The following YTHDF3 variants were observed in gnomAD, a reference collection of about 807,000 sequenced individuals.
YTHDF3 encodes YTH N6-methyladenosine RNA binding protein F3.
A neutral mutation model predicts 52.5 loss-of-function variants in YTHDF3; 9 were observed. The observed-to-expected ratio is 0.17, with a 90% CI of 0.10 to 0.30. YTHDF3 has a LOEUF of 0.30. Among genes scored for constraint, YTHDF3 ranks in the 10% least tolerant of loss-of-function variants. The pLI is 1.00. For synonymous variants in YTHDF3, 274 were observed against 243.3 expected (o/e 1.13, Z -1.18); for missense variants, 534 against 715.0 (o/e 0.75, Z 2.89).
chr8:63,208,151 C>T (rs997732223), intron 4 of YTHDF3, among the ~76,000 whole-genome samples: 1 of 151,974 alleles, frequency 6.6e-6, no homozygotes, highest in African/African-American at 2.4e-5. Context: ...CACCGATACT[C>T]GTTAGTCTAT....
intron 4 of YTHDF3, among the ~76,000 whole-genome samples, chr8:63,197,202 C>G (rs1809296049): frequency 6.6e-6 from 1 of 152,206 alleles, no homozygotes; most frequent in Non-Finnish European, 1.5e-5. Flanking sequence ...TCCCTAGCAC[C>G]TAGAAAAATG....
At chr8:63,205,428 TTTTC>T (rs1423907368) in intron 4 of YTHDF3, among the ~76,000 whole-genome samples, 4 of 151,700 alleles carry the variant, frequency 2.6e-5, no homozygotes, top group Admixed American at 6.6e-5. Flanking sequence ...ATTTCTTTCT[TTTTC>T]TTTCTTTTTT....
At chr8:63,179,237 TA>T (rs980650966) in intron 3 of YTHDF3, among the ~76,000 whole-genome samples, 2 of 151,890 alleles carry the variant, frequency 1.3e-5, no homozygotes, top group Admixed American at 6.6e-5. Flanking sequence ...TTTTTTTTTT[TA>T]TTGATCATTC....
chr8:63,173,536 A>T, intron 2 of YTHDF3: 1 of 395,598 alleles, frequency 2.5e-6, no homozygotes, highest in Non-Finnish European at 3.4e-6. Context: ...AGAGATAGTT[A>T]GTCATAATTT....
At chr8:63,203,124 C>T (rs73256845) in intron 4 of YTHDF3, among the ~76,000 whole-genome samples, 213 of 152,014 alleles carry the variant, frequency 1.4e-3, no homozygotes, top group African/African-American at 4.8e-3. Flanking sequence ...CGCCTGTGAT[C>T]CCAGCTACTC....
rs1198816910 is a variant in YTHDF3 at position 63,209,821 on chromosome 8, A to G, written c.*115A>G. ...TTTCTGCTTAAGGTGACATCTTTGA[A>G]CACTTTAACACAAAGTTGACTCTTC... On this transcript the variant is annotated 3_prime_UTR_variant, in exon 5 of 5. Transcript: ENST00000539294. 2 of 1,016,418 alleles carry G rather than the reference A, an allele frequency of 2.0e-6. No individual in the cohort carries two copies. Among genetic ancestry groups the G allele is most frequent in the Non-Finnish European group, 1.4e-6 (1 of 710,768 alleles). 63.0% of individuals were successfully genotyped at this position (1,016,418 alleles called of 1,614,324 possible).
In YTHDF3 at chr8:63,186,922, C is replaced by G. The variant is rs1047701169; in HGVS notation, c.911C>G (p.Pro304Arg). The G allele has an allele frequency of 6.2e-7, 1 of 1,613,884 alleles. No individual in the cohort carries two copies. ...VLPPQTIIQQPQPLIQPPPLV... is the reference protein window; with the variant it reads ...VLPPQTIIQQRQPLIQPPPLV... The stretch of plus-strand genomic sequence containing the variant: ...CCTCCTCAAACTATAATCCAGCAGC[C>G]TCAGCCATTAATTCAACCACCACCA... The change falls in exon 4 of 5, where the codon CCT (proline) becomes CGT (arginine). Residue 304 changes from proline (P) to arginine (R), a missense_variant. Transcript: ENST00000539294.
chr8:63,172,869 A>T, intron 2 of YTHDF3: 3 of 1,157,032 alleles, frequency 2.6e-6, no homozygotes, highest in South Asian at 4.4e-5. Context: ...TTTCATTTCT[A>T]TTTAATGGTT....
chr8:63,189,420 G>A (rs921330159), intron 4 of YTHDF3, among the ~76,000 whole-genome samples: 1 of 152,204 alleles, frequency 6.6e-6, no homozygotes, highest in African/African-American at 2.4e-5. Flanking sequence ...TTGAAACTTA[G>A]TAGGGGTAAA....
intron 4 of YTHDF3, among the ~76,000 whole-genome samples, chr8:63,193,239 A>G (rs1809024210): frequency 6.6e-6 from 1 of 151,938 alleles, no homozygotes; most frequent in Non-Finnish European, 1.5e-5. Flanking sequence ...TTAGCCAGGC[A>G]TGGTGGTGCA....
At chr8:63,172,189 T>C (rs371448605) in intron 2 of YTHDF3, among the ~76,000 whole-genome samples, 3 of 152,342 alleles carry the variant, frequency 2.0e-5, no homozygotes, top group East Asian at 3.9e-4. Context: ...GTTCATAATT[T>C]AACACTTCGT....
chr8:63,179,963 C>T lies in YTHDF3; in HGVS notation c.135+4547C>T, dbSNP rs529365584. Among the ~76,000 whole-genome samples, 604 of 149,008 alleles carry T rather than the reference C, an allele frequency of 4.1e-3. 5 individuals carry two copies. Among genetic ancestry groups the T allele is most frequent in the African/African-American group, 0.014 (580 of 40,422 alleles). On this transcript the variant is annotated intron_variant, in intron 3 of 4. Transcript: ENST00000539294. ...TCACCTCCCGGACGGGGCGGCTGGC[C>T]GGGCGGGGGGCTGATCCCCCCACCT...
intron 4 of YTHDF3, among the ~76,000 whole-genome samples, chr8:63,200,777 A>T (rs754236956): frequency 1.4e-4 from 22 of 152,210 alleles, no homozygotes; most frequent in Non-Finnish European, 2.6e-4. Context: ...TCTAGCAAAT[A>T]CAATTTTGAT....
intron 4 of YTHDF3, among the ~76,000 whole-genome samples, chr8:63,188,294 G>A (rs1001245287): frequency 3.3e-5 from 5 of 151,704 alleles, no homozygotes; most frequent in Admixed American, 1.3e-4. Context: ...ACTGAACCTG[G>A]CACTTAAAAC....
rs74525615 is a variant in YTHDF3, at chr8:63,188,560, A to T, written c.1734+815A>T. On this transcript the variant is annotated intron_variant, in intron 4 of 4. Transcript: ENST00000539294. ...CGGGCTGGTCTCCTGAGCTCAAAGGATCTGCCCCTACCCCTCTGCCTCCCA... is the reference window on the plus strand; with the variant it reads ...CGGGCTGGTCTCCTGAGCTCAAAGGTTCTGCCCCTACCCCTCTGCCTCCCA... Among the ~76,000 whole-genome samples the T allele has an allele frequency of 5.3e-3, 782 of 148,792 alleles. 29 individuals are homozygous for T. The East Asian group carries it at 0.089, about 17-fold the overall frequency.
chr8:63,202,049 C>G (rs750218991), intron 4 of YTHDF3, among the ~76,000 whole-genome samples: 1 of 152,074 alleles, frequency 6.6e-6, no homozygotes, highest in Admixed American at 6.5e-5. Flanking sequence ...TAAAGGGTAC[C>G]GTAAGCCACC....
Position 63,186,988 on chromosome 8 carries a change from C to G in YTHDF3, c.977C>G (p.Pro326Arg), listed in dbSNP as rs780560299. Residue 326 changes from proline (P) to arginine (R), a missense_variant, in exon 4 of 5, where the codon CCA (proline) becomes CGA (arginine). Pro to Arg is a moderately radical substitution (Grantham distance 103). Transcript: ENST00000539294. Reference protein sequence around the residue: ...SQLPQQQPQPPQPQQQQGPQP... With the variant: ...SQLPQQQPQPRQPQQQQGPQP... Reference sequence around the variant, plus strand: ...CTGCCTCAACAGCAGCCTCAACCACCACAACCACAGCAGCAACAAGGACCT... The same window carrying G: ...CTGCCTCAACAGCAGCCTCAACCACGACAACCACAGCAGCAACAAGGACCT... 6.2e-7 allele frequency: 1 copy of G among 1,613,686 alleles called. No individual in the cohort carries two copies. The highest frequency in any genetic ancestry group is 8.5e-7 in the Non-Finnish European group (1 of 1,179,756).
At chr8:63,182,464 A>G (rs1407024642) in intron 3 of YTHDF3, among the ~76,000 whole-genome samples, 1 of 152,064 alleles carries the variant, frequency 6.6e-6, no homozygotes, top group Non-Finnish European at 1.5e-5. Context: ...TTGGCCTCTT[A>G]GTTTGCTGAC....
chr8:63,192,147 A>G (rs773203051), intron 4 of YTHDF3, among the ~76,000 whole-genome samples: 69 of 151,956 alleles, frequency 4.5e-4, no homozygotes, highest in Non-Finnish European at 7.5e-4. Flanking sequence ...TTGTTTTTCC[A>G]TGCTTCCCCC....
Sources: allele counts gnomAD v4.1 joint callset (sites outside exome capture counted in the v4.1 genomes callset), GRCh38; gene constraint gnomAD v4.1.1; transcripts MANE v1.5; gene names NCBI Gene and HGNC (gene_info 2026-07-23, HGNC 2026-07-21).